FHIT: variants seen among roughly 807,000 people sequenced by gnomAD.
The protein encoded by FHIT is bis(5'-adenosyl)-triphosphatase.
In FHIT, 19 loss-of-function variants were observed where a neutral mutation model predicts 17.9. That is an observed-to-expected ratio of 1.06 (90% CI 0.74 to 1.56). FHIT has a LOEUF of 1.56. FHIT is among the 40% of genes most tolerant of loss of function. The pLI, the probability that FHIT is intolerant of heterozygous loss-of-function variation, is 0.00. For missense variants in FHIT, 248 were observed against 189.2 expected (o/e 1.31, Z -1.82); for synonymous variants, 81 against 69.7 (o/e 1.16, Z -0.81).
intron 2 of FHIT, among the ~76,000 whole-genome samples, chr3:61,119,659 A>C (rs2036399377): frequency 6.6e-6 from 1 of 152,210 alleles, no homozygotes; most frequent in Non-Finnish European, 1.5e-5. Context: ...AGATTGAGTA[A>C]AGATAACTGT....
intron 8 of FHIT, among the ~76,000 whole-genome samples, chr3:59,869,414 G>C (rs1702808723): frequency 6.6e-6 from 1 of 150,542 alleles, no homozygotes; most frequent in Admixed American, 6.6e-5. Flanking sequence ...CCTTCACTGA[G>C]TTGTATTTGA....
intron 3 of FHIT, among the ~76,000 whole-genome samples, chr3:60,857,198 A>G (rs1703424084): frequency 6.6e-6 from 1 of 152,166 alleles, no homozygotes; most frequent in East Asian, 1.9e-4. Context: ...TAATAGTTCA[A>G]GGGCATGTAT....
intron 8 of FHIT, among the ~76,000 whole-genome samples, chr3:59,899,038 G>A (rs931809645): frequency 6.6e-6 from 1 of 152,124 alleles, no homozygotes; most frequent in Non-Finnish European, 1.5e-5. Flanking sequence ...AGTCCTCACT[G>A]CCATCTCTTC....
chr3:60,179,081 G>C (rs1028833997), intron 5 of FHIT, among the ~76,000 whole-genome samples: 8 of 152,158 alleles, frequency 5.3e-5, no homozygotes, highest in African/African-American at 1.9e-4. Flanking sequence ...AGATTCCTCA[G>C]AATTAGCTTT....
intron 7 of FHIT, among the ~76,000 whole-genome samples, chr3:59,967,686 G>T (rs542085378): frequency 6.6e-6 from 1 of 152,062 alleles, no homozygotes; most frequent in Non-Finnish European, 1.5e-5. Context: ...GCTCCCAAAG[G>T]CACCTCAGTT....
intron 4 of FHIT, among the ~76,000 whole-genome samples, chr3:60,707,281 T>C (rs1356449794): frequency 1.3e-5 from 2 of 152,176 alleles, no homozygotes; most frequent in Admixed American, 1.3e-4. Flanking sequence ...TACAGATGAT[T>C]CTATGATCTA....
chr3:60,872,367 A>G (rs1704450716), intron 3 of FHIT, among the ~76,000 whole-genome samples: 1 of 152,152 alleles, frequency 6.6e-6, no homozygotes, highest in Admixed American at 6.5e-5. Context: ...TTTGGTTCCA[A>G]TAAATACGTA....
At chr3:60,264,098 G>A (rs1706447276) in intron 5 of FHIT, among the ~76,000 whole-genome samples, 1 of 151,292 alleles carries the variant, frequency 6.6e-6, no homozygotes, top group African/African-American at 2.4e-5. Context: ...TCCCCAAAGT[G>A]GGGGAGAAAA....
At chr3:59,782,737 CACAA>C (rs934201771) in intron 8 of FHIT, among the ~76,000 whole-genome samples, 2 of 152,156 alleles carry the variant, frequency 1.3e-5, no homozygotes, top group African/African-American at 4.8e-5. Context: ...ATAAATGTCT[CACAA>C]ACAGACTCCA....
chr3:60,897,129 T>C lies in FHIT; in HGVS notation c.-110-75118A>G, dbSNP rs1705862243. On this transcript the variant is annotated intron_variant, in intron 3 of 9. Transcript: ENST00000492590. ...TCACTCCAATCCCGATTCACAGGGA[T>C]CTTCCTCATCCTATTTTACAGCACA... Among the ~76,000 whole-genome samples, 2 of 152,196 alleles carry C rather than the reference T, an allele frequency of 1.3e-5. 1 individual carries two copies. The highest frequency in any genetic ancestry group is 4.1e-4 in the South Asian group (2 of 4,832).
At chr3:60,160,040 T>C (rs1235450235) in intron 5 of FHIT, among the ~76,000 whole-genome samples, 2 of 152,146 alleles carry the variant, frequency 1.3e-5, no homozygotes, top group African/African-American at 4.8e-5. Context: ...GAGAAACATA[T>C]TGACGGAAAT....
chr3:60,356,382 A>T (rs1032397538), intron 5 of FHIT, among the ~76,000 whole-genome samples: 12 of 152,154 alleles, frequency 7.9e-5, no homozygotes, highest in African/African-American at 2.9e-4. Flanking sequence ...TGATCGCATA[A>T]TTTTTTATGT....
chr3:60,285,743 A>C (rs1328474402), intron 5 of FHIT, among the ~76,000 whole-genome samples: 1 of 152,232 alleles, frequency 6.6e-6, no homozygotes, highest in Admixed American at 6.5e-5. Context: ...TGAGACTGTC[A>C]GCTAGAACTC....
chr3:60,020,308 A>G (rs1386526351), intron 5 of FHIT, among the ~76,000 whole-genome samples: 1 of 152,244 alleles, frequency 6.6e-6, no homozygotes, highest in African/African-American at 2.4e-5. Context: ...GAGCACTGAC[A>G]GATAAATGGA....
At chr3:59,923,129 G>A (rs1705489066) in intron 7 of FHIT, among the ~76,000 whole-genome samples, 2 of 150,140 alleles carry the variant, frequency 1.3e-5, no homozygotes, top group Non-Finnish European at 2.9e-5. Context: ...GGAGGCTGAG[G>A]TGGGAGAATG....
At chr3:60,146,261 G>C (rs1175523634) in intron 5 of FHIT, among the ~76,000 whole-genome samples, 10 of 120,702 alleles carry the variant, frequency 8.3e-5, no homozygotes. Context: ...AAAAAAAAAA[G>C]GGCAGGGGGT....
chr3:60,980,744 T>C (rs1710459002), intron 3 of FHIT, among the ~76,000 whole-genome samples: 2 of 152,200 alleles, frequency 1.3e-5, no homozygotes, highest in Non-Finnish European at 2.9e-5. Context: ...TGTGCCTCAA[T>C]ATAAACTGTA....
At chr3:60,027,775 T>C (rs1392422609) in intron 5 of FHIT, among the ~76,000 whole-genome samples, 3 of 151,680 alleles carry the variant, frequency 2.0e-5, no homozygotes, top group Non-Finnish European at 2.9e-5. Flanking sequence ...GGATTTTCAG[T>C]GTTATTGATA....
At chr3:60,483,435 T>C (rs1407141154) in intron 5 of FHIT, among the ~76,000 whole-genome samples, 1 of 152,160 alleles carries the variant, frequency 6.6e-6, no homozygotes, top group Non-Finnish European at 1.5e-5. Flanking sequence ...CTCTGTAAAA[T>C]ACTGGCAAAC....
Sources: gnomAD v4.1 joint callset for allele counts (sites outside exome capture counted in the v4.1 genomes callset) on GRCh38, gnomAD v4.1.1 for gene constraint, MANE v1.5 for transcripts, NCBI Gene and HGNC (gene_info 2026-07-23, HGNC 2026-07-21) for gene names.